Variants in FAM135B observed in about 807,000 individuals in gnomAD.
FAM135B encodes family with sequence similarity 135 member B.
In FAM135B, 43 loss-of-function variants were observed where a neutral mutation model predicts 127.7. The observed-to-expected ratio is 0.34, with a 90% CI of 0.26 to 0.43. The LOEUF (loss-of-function observed/expected upper bound fraction) is 0.43. FAM135B is among the 20% of genes least tolerant of loss of function. The pLI, the probability that FAM135B is intolerant of heterozygous loss-of-function variation, is 1.00. For synonymous variants in FAM135B, 670 were observed against 665.1 expected, an observed-to-expected ratio of 1.01 and a Z score of -0.11; for missense variants, 1,558 against 1,725.6, an observed-to-expected ratio of 0.90 and a Z score of 1.72.
In FAM135B at chr8:138,348,948, A is replaced by G. The variant is rs573669437; in HGVS notation, c.77+18959T>C. Among the ~76,000 whole-genome samples, 157 of 152,348 alleles carry G rather than the reference A, an allele frequency of 1.0e-3. 1 individual carries two copies. Among genetic ancestry groups the G allele is most frequent in the African/African-American group, 3.7e-3 (155 of 41,584 alleles). ...TGGGGAAGCCCAGAGATCTGTCTGGAGCAGAGAGTTGTGGCCAGGGCCCAG... is the reference window on the plus strand; with the variant it reads ...TGGGGAAGCCCAGAGATCTGTCTGGGGCAGAGAGTTGTGGCCAGGGCCCAG... On this transcript the variant is annotated intron_variant, in intron 2 of 19. Transcript: ENST00000395297.
intron 15 of FAM135B, among the ~76,000 whole-genome samples, chr8:138,143,420 C>T (rs1182805572): frequency 6.6e-6 from 1 of 152,180 alleles, no homozygotes; most frequent in Non-Finnish European, 1.5e-5. Flanking sequence ...GCTGCCCCTG[C>T]TTCACAGAGG....
At chr8:138,372,382 G>T (rs1284056054) in intron 1 of FAM135B, among the ~76,000 whole-genome samples, 1 of 152,176 alleles carries the variant, frequency 6.6e-6, no homozygotes, top group African/African-American at 2.4e-5. Context: ...GGAGGGAGGG[G>T]CAGGATGGGA....
chr8:138,371,185 G>C (rs988753290), intron 1 of FAM135B, among the ~76,000 whole-genome samples: 1 of 152,180 alleles, frequency 6.6e-6, no homozygotes, highest in South Asian at 2.1e-4. Context: ...TCATTGCTAA[G>C]AGGTGAAGAG....
chr8:138,298,399 T>C (rs1474185036), intron 3 of FAM135B, among the ~76,000 whole-genome samples: 1 of 152,154 alleles, frequency 6.6e-6, no homozygotes, highest in Non-Finnish European at 1.5e-5. Context: ...GAAGGTGACA[T>C]TTGAGCAAAG....
At chr8:138,380,858 G>A (rs1209904161) in intron 1 of FAM135B, among the ~76,000 whole-genome samples, 1 of 151,854 alleles carries the variant, frequency 6.6e-6, no homozygotes, top group African/African-American at 2.4e-5. Flanking sequence ...CTCTTAACAT[G>A]CAGACATCGG....
chr8:138,277,760 C>A (rs1445882258), intron 3 of FAM135B, among the ~76,000 whole-genome samples: 1 of 152,152 alleles, frequency 6.6e-6, no homozygotes, highest in Non-Finnish European at 1.5e-5. Flanking sequence ...TGTGAATATT[C>A]TCACCTCTGG....
intron 1 of FAM135B, among the ~76,000 whole-genome samples, chr8:138,377,557 A>G (rs1831562589): frequency 6.6e-6 from 1 of 152,082 alleles, no homozygotes; most frequent in Non-Finnish European, 1.5e-5. Context: ...TTCATAACAA[A>G]CCCAGTCTGG....
At chr8:138,431,265 G>C (rs1239163662) in intron 1 of FAM135B, among the ~76,000 whole-genome samples, 1 of 152,172 alleles carries the variant, frequency 6.6e-6, no homozygotes, top group East Asian at 1.9e-4. Flanking sequence ...ACATGCCCCT[G>C]CCATCTTGGG....
In FAM135B at chr8:138,265,824, G is replaced by A. The variant is rs1312135296; in HGVS notation, c.176C>T (p.Ser59Leu). The A allele has an allele frequency of 6.2e-7, 1 of 1,613,832 alleles. No homozygotes were observed. Among genetic ancestry groups the A allele is most frequent in the Admixed American group, 1.7e-5 (1 of 60,024 alleles). The part of the protein sequence containing the change: ...AGQTESSSLH[S>L]ACVHDSTVHS... ...CACGGTGCTGTCATGGACACAGGCT[G>A]AATGCAGGCTGCTGCTCTCTGCAAA... The change falls in exon 4 of 20, where the codon TCA becomes TTA. Residue 59 changes from serine to leucine, a missense_variant. Around this residue, in one of 5 missense-constraint regions of FAM135B, gnomAD observed 199 missense variants for 245.7 expected, o/e 0.81. Coordinates refer to ENST00000395297, the MANE Select transcript of FAM135B (RefSeq NM_015912.4).
intron 2 of FAM135B, among the ~76,000 whole-genome samples, chr8:138,364,446 C>T (rs889722359): frequency 6.6e-6 from 1 of 152,180 alleles, no homozygotes; most frequent in Non-Finnish European, 1.5e-5. Flanking sequence ...TTCACCAAAA[C>T]CACGCTCAGA....
chr8:138,245,813 G>A (rs1563815204), intron 6 of FAM135B, among the ~76,000 whole-genome samples: 1 of 152,194 alleles, frequency 6.6e-6, no homozygotes, highest in Non-Finnish European at 1.5e-5. Context: ...ATGTGAGAAA[G>A]TTTGGAATTT....
chr8:138,395,824 T>C (rs1260062774), intron 1 of FAM135B, among the ~76,000 whole-genome samples: 1 of 152,240 alleles, frequency 6.6e-6, no homozygotes, highest in African/African-American at 2.4e-5. Context: ...TCATGGTCTC[T>C]GCTGTTAATT....
At chr8:138,352,585 A>C (rs1030107628) in intron 2 of FAM135B, among the ~76,000 whole-genome samples, 1 of 152,114 alleles carries the variant, frequency 6.6e-6, no homozygotes, top group Non-Finnish European at 1.5e-5. Context: ...GTCTCTAAAC[A>C]CTTGAGTCTA....
At chr8:138,470,072 G>A (rs58016814) in intron 1 of FAM135B, among the ~76,000 whole-genome samples, 4 of 152,096 alleles carry the variant, frequency 2.6e-5, no homozygotes, top group African/African-American at 9.7e-5. Flanking sequence ...AATAATTATA[G>A]AAATAAATGC....
intron 6 of FAM135B, among the ~76,000 whole-genome samples, chr8:138,250,121 G>A (rs1177672228): frequency 6.6e-6 from 1 of 152,180 alleles, no homozygotes; most frequent in Non-Finnish European, 1.5e-5. Context: ...GAGAAGCCAA[G>A]GAGGGTGGAT....
Position 138,220,061 on chromosome 8 carries a change from T to TCACACACACACACACACACACA in FAM135B, c.670-22414_670-22393dup, listed in dbSNP as rs3221962. On this transcript the variant is annotated intron_variant, in intron 7 of 19. Coordinates refer to ENST00000395297, the MANE Select transcript of FAM135B (RefSeq NM_015912.4). Reference sequence around the variant, plus strand: ...CACAAATAGGGTGATTTGCCTAAAATCACACACACACACACACACACACAC... The same window carrying TCACACACACACACACACACACA: ...CACAAATAGGGTGATTTGCCTAAAATCACACACACACACACACACACACACACACACACACACACACACACAC... Among the ~76,000 whole-genome samples the TCACACACACACACACACACACA allele has an allele frequency of 1.8e-4, 26 of 146,520 alleles. No individual in the cohort carries two copies. In the South Asian group the frequency reaches 2.9e-3, roughly 16 times the overall value.
At chr8:138,398,421 T>C (rs1248110879) in intron 1 of FAM135B, among the ~76,000 whole-genome samples, 1 of 152,198 alleles carries the variant, frequency 6.6e-6, no homozygotes, top group African/African-American at 2.4e-5. Flanking sequence ...GTCAAAACCT[T>C]ATTACCTTCC....
intron 7 of FAM135B, among the ~76,000 whole-genome samples, chr8:138,226,184 T>TGTGTGC: frequency 4.2e-4 from 58 of 139,292 alleles, no homozygotes; most frequent in African/African-American, 1.5e-3. Context: ...TGTGTGTGTG[T>TGTGTGC]GCGCGCATGT....
intron 2 of FAM135B, among the ~76,000 whole-genome samples, chr8:138,334,546 C>T (rs1177619809): frequency 6.6e-6 from 1 of 152,140 alleles, no homozygotes; most frequent in African/African-American, 2.4e-5. Flanking sequence ...CCACTCCCAA[C>T]CTCTACCTTC....
Sources: gnomAD v4.1 joint callset for allele counts (sites outside exome capture counted in the v4.1 genomes callset) on GRCh38, gnomAD v4.1.1 for gene constraint, gnomAD v4.1.1 regional missense constraint, MANE v1.5 for transcripts, NCBI Gene and HGNC (gene_info 2026-07-23, HGNC 2026-07-21) for gene names.